The following SCAI variants were observed in gnomAD, a reference collection of about 807,000 sequenced individuals.
The protein encoded by SCAI is suppressor of cancer cell invasion.
In SCAI, 24 loss-of-function variants were observed where a neutral mutation model predicts 92.2. That is an observed-to-expected ratio of 0.26 (90% CI 0.19 to 0.37). The LOEUF is 0.37. Ranked by LOEUF, SCAI falls within the 10% of genes least tolerant of loss-of-function variation. The pLI is 1.00. For missense variants in SCAI, 450 were observed against 736.2 expected (o/e 0.61, Z 4.50); for synonymous variants, 261 against 258.6 (o/e 1.01, Z -0.09).
At chr9:125,010,272 C>T (rs999632553) in intron 9 of SCAI, among the ~76,000 whole-genome samples, 50 of 152,198 alleles carry the variant, frequency 3.3e-4, no homozygotes, top group Non-Finnish European at 5.6e-4. Context: ...AGTTCCCTTT[C>T]CTAGTCAAAG....
chr9:125,079,494 T>G (rs1453420906), intron 2 of SCAI, among the ~76,000 whole-genome samples: 1 of 152,224 alleles, frequency 6.6e-6, no homozygotes, highest in East Asian at 1.9e-4. Flanking sequence ...TCTTTGCTTC[T>G]TAGTAAATAA....
At chr9:125,031,264 CTT>C (rs113773224) in intron 3 of SCAI, among the ~76,000 whole-genome samples, 8 of 144,056 alleles carry the variant, frequency 5.6e-5, no homozygotes, top group Admixed American at 7.0e-5. Flanking sequence ...ATTGAGGTCA[CTT>C]TTTTTTTTTT....
chr9:125,015,623 G>A (rs537035506), intron 9 of SCAI, among the ~76,000 whole-genome samples: 37 of 152,200 alleles, frequency 2.4e-4, no homozygotes, highest in Admixed American at 1.6e-3. Flanking sequence ...TCAGTGTGGC[G>A]ATTCCTCAGG....
At chr9:125,098,991 G>A (rs1348522268) in intron 2 of SCAI, among the ~76,000 whole-genome samples, 1 of 151,964 alleles carries the variant, frequency 6.6e-6, no homozygotes, top group Non-Finnish European at 1.5e-5. Context: ...AAAATTAGAT[G>A]TGTGTCCAAA....
At chr9:125,035,529 T>G (rs1269466724) in intron 3 of SCAI, among the ~76,000 whole-genome samples, 1 of 152,076 alleles carries the variant, frequency 6.6e-6, no homozygotes, top group African/African-American at 2.4e-5. Flanking sequence ...TACCACTAAT[T>G]GTCTACACAA....
intron 3 of SCAI, among the ~76,000 whole-genome samples, chr9:125,035,317 T>C (rs1369638132): frequency 6.6e-6 from 1 of 151,970 alleles, no homozygotes; most frequent in African/African-American, 2.4e-5. Flanking sequence ...ATCATACCAC[T>C]GCGCTCCAGC....
At chr9:125,052,894 G>A (rs1398947417) in intron 3 of SCAI, among the ~76,000 whole-genome samples, 1 of 151,454 alleles carries the variant, frequency 6.6e-6, no homozygotes, top group East Asian at 1.9e-4. Flanking sequence ...TTTACATCCA[G>A]TAGCATGTCT....
intron 2 of SCAI, among the ~76,000 whole-genome samples, chr9:125,061,346 C>A (rs1360526379): frequency 6.6e-6 from 1 of 151,890 alleles, no homozygotes; most frequent in Non-Finnish European, 1.5e-5. Flanking sequence ...TTTATTCTTG[C>A]TCTTCAACTA....
chr9:125,041,462 A>C (rs1287387162), intron 3 of SCAI, among the ~76,000 whole-genome samples: 1 of 152,212 alleles, frequency 6.6e-6, no homozygotes, highest in African/African-American at 2.4e-5. Context: ...GATACTATCT[A>C]AAGTCTTTAG....
At chr9:125,005,520 G>A (rs1317825905) in intron 9 of SCAI, among the ~76,000 whole-genome samples, 11 of 151,940 alleles carry the variant, frequency 7.2e-5, no homozygotes, top group Non-Finnish European at 1.0e-4. Context: ...TAGTAGAGGC[G>A]GGGTTTCACC....
intron 12 of SCAI, among the ~76,000 whole-genome samples, chr9:125,000,560 C>T (rs954742929): frequency 1.3e-5 from 2 of 150,406 alleles, no homozygotes; most frequent in Non-Finnish European, 2.9e-5. Context: ...TATGATCACA[C>T]CATTGCACTC....
chr9:125,034,118 A>AGAGG (rs145980663), intron 3 of SCAI, among the ~76,000 whole-genome samples: 1,856 of 152,292 alleles, frequency 0.012, 95 homozygotes, highest in Admixed American at 0.083. Context: ...CTGGTGCAGC[A>AGAGG]GAGGGAGGGG....
chr9:125,125,049 C>T (rs955915625), intron 2 of SCAI, among the ~76,000 whole-genome samples: 4 of 151,734 alleles, frequency 2.6e-5, no homozygotes, highest in African/African-American at 7.3e-5. Context: ...GGCAAAACAC[C>T]GTCTGTATAA....
intron 2 of SCAI, among the ~76,000 whole-genome samples, chr9:125,064,370 C>CAAAT (rs1416022150): frequency 6.6e-6 from 1 of 152,040 alleles, no homozygotes; most frequent in Non-Finnish European, 1.5e-5. Context: ...TGCCGTGGTT[C>CAAAT]AAATAAATAA....
chr9:125,001,273 G>T (rs769290126), intron 12 of SCAI, among the ~76,000 whole-genome samples: 13 of 152,184 alleles, frequency 8.5e-5, no homozygotes, highest in Non-Finnish European at 1.6e-4. Flanking sequence ...ACAAACAAAT[G>T]AAGAGGAAAA....
chr9:124,952,775 T>C lies in SCAI; in HGVS notation c.*32A>G. ...TGCACCATTTAAAATTTGTGGAAAA[T>C]GAAAACTTGTTTCGACAACAGGGTT... On this transcript the variant is annotated 3_prime_UTR_variant, in exon 18 of 18. Coordinates refer to ENST00000336505, the MANE Select transcript of SCAI (RefSeq NM_001144877.3). The C allele has an allele frequency of 1.9e-6, 3 of 1,586,000 alleles. No individual in the cohort carries two copies. In the South Asian group the frequency reaches 3.4e-5, roughly 18 times the overall value.
intron 9 of SCAI, among the ~76,000 whole-genome samples, chr9:125,013,507 G>C (rs923264973): frequency 1.5e-5 from 2 of 136,788 alleles, no homozygotes; most frequent in Non-Finnish European, 3.2e-5. Context: ...GAATAGACCA[G>C]TAACAGGCTC....
intron 2 of SCAI, among the ~76,000 whole-genome samples, chr9:125,077,825 T>C (rs760546755): frequency 6.6e-6 from 1 of 152,184 alleles, no homozygotes; most frequent in Non-Finnish European, 1.5e-5. Context: ...TTCAAGCTAT[T>C]CTCGTGCCTC....
chr9:125,078,211 A>G (rs1834135264), intron 2 of SCAI, among the ~76,000 whole-genome samples: 1 of 151,964 alleles, frequency 6.6e-6, no homozygotes, highest in African/African-American at 2.4e-5. Context: ...TATTTTTGTC[A>G]AAATAATATA....
Sources: allele counts gnomAD v4.1 joint callset (sites outside exome capture counted in the v4.1 genomes callset), GRCh38; gene constraint gnomAD v4.1.1; transcripts MANE v1.5; gene names NCBI Gene and HGNC (gene_info 2026-07-23, HGNC 2026-07-21).